NAP1L1: variants seen among roughly 807,000 people sequenced by gnomAD.
NAP1L1 encodes nucleosome assembly protein 1 like 1.
NAP1L1 carries 9 observed loss-of-function variants against 58.9 expected under a neutral mutation model. That is an observed-to-expected ratio of 0.15 (90% CI 0.09 to 0.27). The LOEUF (loss-of-function observed/expected upper bound fraction) is 0.27, where lower values mean the gene tolerates loss of function less well. Among genes scored for constraint, NAP1L1 ranks in the 10% least tolerant of loss-of-function variants. NAP1L1 has a pLI of 1.00. For synonymous variants in NAP1L1, 130 were observed against 138.3 expected, an observed-to-expected ratio of 0.94 and a Z score of 0.42; for missense variants, 302 against 458.8, an observed-to-expected ratio of 0.66 and a Z score of 3.12.
chr12:76,050,755 T>C, intron 11 of NAP1L1, 102 bp from the exon 12 acceptor site: 1 of 1,295,070 alleles, frequency 7.7e-7, no homozygotes, highest in East Asian at 2.5e-5. Context: ...GGCTCACAAC[T>C]GTAGTCCCAA....
chr12:76,052,194 A>G (rs1398628234), intron 11 of NAP1L1, among the ~76,000 whole-genome samples: 1 of 152,094 alleles, frequency 6.6e-6, no homozygotes, highest in Non-Finnish European at 1.5e-5. Context: ...TTCAAACCAC[A>G]GGTGGAGGTT....
chr12:76,056,843 C>G (rs544236270), intron 6 of NAP1L1: 12 of 315,908 alleles, frequency 3.8e-5, no homozygotes, highest in South Asian at 2.8e-4. Context: ...GAAACCCCAT[C>G]TTTACTAAAA....
intron 1 of NAP1L1, among the ~76,000 whole-genome samples, chr12:76,081,243 C>G (rs979856145): frequency 6.6e-6 from 1 of 152,116 alleles, no homozygotes; most frequent in Non-Finnish European, 1.5e-5. Context: ...TAACCACGGA[C>G]GGGTTATCTA....
chr12:76,050,804 A>G, intron 11 of NAP1L1, 151 bp from the exon 12 acceptor site: 1 of 738,246 alleles, frequency 1.4e-6, no homozygotes, highest in East Asian at 2.9e-5. Flanking sequence ...ACTTGAGCCC[A>G]GAAGTTCAAG....
chr12:76,044,244 G>A lies in NAP1L1; in HGVS notation c.*4185C>T, dbSNP rs1948577152. Reference sequence around the variant, plus strand: ...TTGAACCCGGGAGATGACAGCTGTAGTGAGCCGAGATCATGCCACTGCACT... The same window carrying A: ...TTGAACCCGGGAGATGACAGCTGTAATGAGCCGAGATCATGCCACTGCACT... On this transcript the variant is annotated 3_prime_UTR_variant, in exon 15 of 15. Coordinates refer to ENST00000618691, the MANE Select transcript of NAP1L1 (RefSeq NM_004537.7). The A allele has an allele frequency of 6.6e-6, 1 of 152,334 alleles. No individual in the cohort carries two copies. Among genetic ancestry groups the A allele is most frequent in the Non-Finnish European group, 1.5e-5 (1 of 68,160 alleles). The allele number at this position is 152,334 out of a possible 1,614,324, so 9.4% of individuals were successfully genotyped here.
At chr12:76,048,593 G>T in intron 14 of NAP1L1, 129 bp from the exon 15 acceptor site, 1 of 838,852 alleles carries the variant, frequency 1.2e-6, no homozygotes, top group Non-Finnish European at 1.9e-6. Context: ...GGACAATGGT[G>T]GTAAATTATT....
At chr12:76,082,081 T>C (rs1950427171) in intron 1 of NAP1L1, among the ~76,000 whole-genome samples, 1 of 152,220 alleles carries the variant, frequency 6.6e-6, no homozygotes, top group Non-Finnish European at 1.5e-5. Flanking sequence ...CTTGAAGATC[T>C]GAATACACTG....
intron 4 of NAP1L1, among the ~76,000 whole-genome samples, chr12:76,065,468 G>A (rs933906651): frequency 2.6e-5 from 4 of 151,648 alleles, no homozygotes; most frequent in African/African-American, 9.7e-5. Flanking sequence ...TCTTGTGACT[G>A]GGGGGCAAAA....
rs1421358082 is a variant in NAP1L1, at chr12:76,040,525, A to AC, written c.*7903dup. 3 of 152,152 alleles carry AC rather than the reference A, an allele frequency of 2.0e-5. No individual in the cohort carries two copies. Among genetic ancestry groups the AC allele is most frequent in the Non-Finnish European group, 4.4e-5 (3 of 68,072 alleles). The allele number at this position is 152,152 out of a possible 1,614,324, so 9.4% of individuals were successfully genotyped here. On this transcript the variant is annotated 3_prime_UTR_variant, in exon 15 of 15. Transcript: ENST00000618691. ...CATACACATACATATACATACACAC[A>AC]CACACACACACAGACAGTTTCATTC...
chr12:76,058,387 CTTT>C (rs34510500), intron 6 of NAP1L1, among the ~76,000 whole-genome samples: 14 of 133,172 alleles, frequency 1.1e-4, no homozygotes, highest in Admixed American at 4.5e-4. Context: ...TTATTTGGTA[CTTT>C]TTTTTTTTTT....
intron 4 of NAP1L1, among the ~76,000 whole-genome samples, chr12:76,065,179 T>C (rs1949604836): frequency 6.6e-6 from 1 of 151,988 alleles, no homozygotes; most frequent in South Asian, 2.1e-4. Flanking sequence ...TTCCAAAACA[T>C]GTATTTACTA....
In NAP1L1 at chr12:76,045,392, GTTTTGTCTTTATTTTTAATAA is replaced by G. The variant is rs1948591259; in HGVS notation, c.*3016_*3036del. 2 of 151,948 alleles carry G rather than the reference GTTTTGTCTTTATTTTTAATAA, an allele frequency of 1.3e-5. No individual in the cohort carries two copies. The highest frequency in any genetic ancestry group is 4.1e-4 in the South Asian group (2 of 4,832). The allele number at this position is 151,948 out of a possible 1,614,324, so 9.4% of individuals were successfully genotyped here. On this transcript the variant is annotated 3_prime_UTR_variant, in exon 15 of 15. Coordinates refer to ENST00000618691, the MANE Select transcript of NAP1L1 (RefSeq NM_004537.7). Reference sequence around the variant, plus strand: ...ACGATAAGATTTTCAGTTACTTCAAGTTTTGTCTTTATTTTTAATAATGGGAATGGCCTACAATTACAATAA... The same window carrying G: ...ACGATAAGATTTTCAGTTACTTCAAGTGGGAATGGCCTACAATTACAATAA...
At chr12:76,074,302 C>T (rs1950094171) in intron 1 of NAP1L1, 63 bp from the exon 2 acceptor site, 6 of 1,480,172 alleles carry the variant, frequency 4.1e-6, no homozygotes, top group Admixed American at 2.5e-5. Context: ...AAATAAGAAA[C>T]CAAAACCCTT....
At position 76,067,446 on chromosome 12, in the gene NAP1L1, T is replaced by C. The variant is rs1470821285; in HGVS notation, c.131A>G (p.Gln44Arg). Residue 44 changes from glutamine to arginine, a missense_variant, in exon 4 of 15, where the codon CAA (glutamine) becomes CGA (arginine). Coordinates refer to ENST00000618691, the MANE Select transcript of NAP1L1 (RefSeq NM_004537.7). Reference sequence around the variant, plus strand: ...AAGGGCTGCAAGAATCTGAGGATTTTGCATCATCTGAACAGTTAGCTGACG... The same window carrying C: ...AAGGGCTGCAAGAATCTGAGGATTTCGCATCATCTGAACAGTTAGCTGACG... ...KARQLTVQMM[Q>R]NPQILAALQE... 6.2e-7 allele frequency: 1 copy of C among 1,608,500 alleles called. No homozygotes were observed. Among genetic ancestry groups the C allele is most frequent in the East Asian group, 2.2e-5 (1 of 44,802 alleles).
In NAP1L1 at chr12:76,036,815, G is replaced by C. The variant is rs1485233632; in HGVS notation, c.*11614C>G. The stretch of plus-strand genomic sequence containing the variant: ...AGGCTGGGCGCGGTGGCTCACGCCT[G>C]TAATCCCAACACTTTGGGAGGCTGA... On this transcript the variant is annotated 3_prime_UTR_variant, in exon 15 of 15. Transcript: ENST00000618691. 1 of 151,976 alleles carries C rather than the reference G, an allele frequency of 6.6e-6. No homozygotes were observed. Among genetic ancestry groups the C allele is most frequent in the East Asian group, 1.9e-4 (1 of 5,162 alleles). The allele number at this position is 151,976 out of a possible 1,614,324, so 9.4% of individuals were successfully genotyped here. A position where few individuals can be genotyped will look rare whatever the true frequency, so the allele number is the denominator to read the frequency against.
intron 6 of NAP1L1, among the ~76,000 whole-genome samples, chr12:76,058,677 C>T (rs562771200): frequency 2.6e-5 from 4 of 152,138 alleles, no homozygotes; most frequent in South Asian, 2.1e-4. Flanking sequence ...TGAGCCACTG[C>T]GCCTGGCCTT....
intron 6 of NAP1L1, chr12:76,057,730 T>C (rs767892140): frequency 1.3e-6 from 2 of 1,547,166 alleles, no homozygotes; most frequent in African/African-American, 2.7e-5. Flanking sequence ...TCCAAATGAA[T>C]ATGCAAAACT....
intron 1 of NAP1L1, among the ~76,000 whole-genome samples, chr12:76,076,932 G>A (rs1271280698): frequency 6.6e-6 from 1 of 152,114 alleles, no homozygotes; most frequent in Non-Finnish European, 1.5e-5. Context: ...TAATGGCTAA[G>A]TATTTATGTG....
Position 76,044,532 on chromosome 12 carries a change from A to T in NAP1L1, c.*3897T>A, listed in dbSNP as rs1478674584. 2.0e-5 allele frequency: 3 copies of T among 152,176 alleles called. No homozygotes were observed. The highest frequency in any genetic ancestry group is 2.0e-4 in the Admixed American group (3 of 15,274). The allele number at this position is 152,176 out of a possible 1,614,324, so 9.4% of individuals were successfully genotyped here. A position where few individuals can be genotyped will look rare whatever the true frequency, so the allele number is the denominator to read the frequency against. ...TTCTTTTATTCAGACTCTTGGCTTG[A>T]GGATGACATGGTCGGGCCTCAATAA... is the stretch of plus-strand genomic sequence containing the variant. On this transcript the variant is annotated 3_prime_UTR_variant, in exon 15 of 15. Transcript: ENST00000618691.
Sources: gnomAD v4.1 joint callset for allele counts (sites outside exome capture counted in the v4.1 genomes callset) on GRCh38, gnomAD v4.1.1 for gene constraint, MANE v1.5 for transcripts, NCBI Gene and HGNC (gene_info 2026-07-23, HGNC 2026-07-21) for gene names.